Variants in THSD4 observed in about 807,000 individuals in gnomAD.
THSD4 encodes the protein thrombospondin type-1 domain-containing protein 4.
A neutral mutation model predicts 119.0 loss-of-function variants in THSD4; 69 were observed. The ratio of observed to expected loss-of-function variants is 0.58; its 90% CI spans 0.48 to 0.71. THSD4 has a LOEUF of 0.71. Among genes scored for constraint, THSD4 ranks in the 30% least tolerant of loss-of-function variants. The pLI, the probability that THSD4 is intolerant of heterozygous loss-of-function variation, is 0.00. For synonymous variants in THSD4, 524 were observed against 540.4 expected (o/e 0.97, Z 0.42); for missense variants, 1,393 against 1,391.1 (o/e 1.00, Z -0.02).
chr15:71,159,687 TAG>T (rs2043233830), intron 3 of THSD4, among the ~76,000 whole-genome samples: 1 of 152,264 alleles, frequency 6.6e-6, no homozygotes, highest in South Asian at 2.1e-4. Flanking sequence ...AGTTTTTTGG[TAG>T]AGTCTTTAGG....
At chr15:71,423,558 A>G (rs2046834587) in intron 7 of THSD4, among the ~76,000 whole-genome samples, 1 of 152,140 alleles carries the variant, frequency 6.6e-6, no homozygotes, top group Non-Finnish European at 1.5e-5. Flanking sequence ...GGATGAGACA[A>G]AGACCTGTTT....
intron 6 of THSD4, among the ~76,000 whole-genome samples, chr15:71,296,188 G>C (rs1269563093): frequency 1.3e-5 from 2 of 152,164 alleles, no homozygotes; most frequent in Non-Finnish European, 2.9e-5. Context: ...GAATTACTGG[G>C]TCAAATGGTA....
chr15:71,308,039 G>A (rs2045056004), intron 6 of THSD4, among the ~76,000 whole-genome samples: 1 of 152,170 alleles, frequency 6.6e-6, no homozygotes, highest in African/African-American at 2.4e-5. Flanking sequence ...ATAGAAGCAT[G>A]CAGCACCTGT....
At chr15:71,686,945 T>C (rs2051924137) in intron 8 of THSD4, among the ~76,000 whole-genome samples, 1 of 152,162 alleles carries the variant, frequency 6.6e-6, no homozygotes, top group Non-Finnish European at 1.5e-5. Flanking sequence ...GTCCGAAAAC[T>C]GGTTAAGACT....
chr15:71,116,772 A>G (rs1472656049), intron 1 of THSD4, among the ~76,000 whole-genome samples: 4 of 152,124 alleles, frequency 2.6e-5, no homozygotes. Flanking sequence ...AGATTTTTCA[A>G]GGATCACACA....
At chr15:71,158,546 TC>T (rs2043223405) in intron 3 of THSD4, among the ~76,000 whole-genome samples, 1 of 152,206 alleles carries the variant, frequency 6.6e-6, no homozygotes, top group Non-Finnish European at 1.5e-5. Context: ...TCCCTGATGA[TC>T]AGTGATGTTG....
At chr15:71,627,914 A>G (rs1228192047) in intron 7 of THSD4, among the ~76,000 whole-genome samples, 1 of 152,228 alleles carries the variant, frequency 6.6e-6, no homozygotes, top group African/African-American at 2.4e-5. Context: ...GTTTTCAGGA[A>G]GACAAAGCTT....
intron 1 of THSD4, among the ~76,000 whole-genome samples, chr15:71,102,877 C>G (rs1042116710): frequency 3.3e-5 from 5 of 152,136 alleles, no homozygotes; most frequent in Admixed American, 2.6e-4. Flanking sequence ...GTTTTTATAT[C>G]TTCTTTTTTC....
intron 7 of THSD4, among the ~76,000 whole-genome samples, chr15:71,619,473 G>A (rs1439494623): frequency 6.6e-6 from 1 of 152,164 alleles, no homozygotes; most frequent in Admixed American, 6.5e-5. Flanking sequence ...GGCACCGGGA[G>A]AGTTACGTTT....
intron 6 of THSD4, among the ~76,000 whole-genome samples, chr15:71,290,950 AC>A (rs754591465): frequency 6.6e-6 from 1 of 150,562 alleles, no homozygotes; most frequent in Non-Finnish European, 1.5e-5. Context: ...GCCCAAAAAG[AC>A]TTATAATGAA....
intron 7 of THSD4, among the ~76,000 whole-genome samples, chr15:71,589,360 A>T (rs12904114): frequency 0.24 from 30,249 of 128,158 alleles, 8,202 homozygotes; most frequent in Non-Finnish European, 0.32. Context: ...TTATTTATTT[A>T]TTTTTTTATT....
chr15:71,207,102 G>A (rs1266531217), intron 3 of THSD4, among the ~76,000 whole-genome samples: 1 of 152,106 alleles, frequency 6.6e-6, no homozygotes, highest in Non-Finnish European at 1.5e-5. Flanking sequence ...GATGTTTCAT[G>A]GACTCATTTG....
At chr15:71,278,029 T>A (rs1596310410) in intron 6 of THSD4, among the ~76,000 whole-genome samples, 1 of 152,246 alleles carries the variant, frequency 6.6e-6, no homozygotes, top group East Asian at 1.9e-4. Context: ...ATACCACCAC[T>A]ACTGCCTCCC....
chr15:71,215,145 C>T lies in THSD4; in HGVS notation c.210C>T (p.Ser70=). The change falls in exon 4 of 18, where the codon AGC becomes AGT. Residue 70 remains serine (S), a synonymous_variant. Transcript: ENST00000261862. ...GGTCGGCCTGCTCGCGTAGCTGCAG[C>T]GGCGGCGTGATGGAGCAGACGCGGC... ...GPWSACSRSC[S]GGVMEQTRPC... is the part of the protein sequence containing the mutation. 7.3e-7 allele frequency: 1 copy of T among 1,371,772 alleles called. No homozygotes were observed. Among genetic ancestry groups the T allele is most frequent in the Non-Finnish European group, 9.4e-7 (1 of 1,059,248 alleles). 85.0% of individuals were successfully genotyped at this position (1,371,772 alleles called of 1,614,324 possible).
chr15:71,545,855 T>G (rs2048829142), intron 7 of THSD4, among the ~76,000 whole-genome samples: 1 of 152,148 alleles, frequency 6.6e-6, no homozygotes, highest in African/African-American at 2.4e-5. Context: ...CACTGGTAAA[T>G]GGTCATGTGA....
chr15:71,778,144 C>T lies in THSD4; in HGVS notation c.*770C>T, dbSNP rs2053946466. 2 of 152,208 alleles carry T rather than the reference C, an allele frequency of 1.3e-5. No individual in the cohort carries two copies. Among genetic ancestry groups the T allele is most frequent in the Non-Finnish European group, 1.5e-5 (1 of 68,070 alleles). 9.4% of individuals were successfully genotyped at this position (152,208 alleles called of 1,614,324 possible). ...TCATCTACCAGTATCCAGCCTGGGG[C>T]CTGTACTTAGATGTGAAAGGTGCTG... On this transcript the variant is annotated 3_prime_UTR_variant, in exon 18 of 18. Coordinates refer to ENST00000261862, the MANE Select transcript of THSD4 (RefSeq NM_024817.3).
rs1450466164 is a variant in THSD4 at position 71,200,527 on chromosome 15, T to C, written c.100-14508T>C. On this transcript the variant is annotated intron_variant, in intron 3 of 17. Coordinates refer to ENST00000261862, the MANE Select transcript of THSD4 (RefSeq NM_024817.3). ...GGGAAACAAAGTCTGATGTGTCTTG[T>C]AATAAGGCACTAGTTATGTTCCTGA... 3.9e-5 allele frequency among the ~76,000 whole-genome samples: 6 copies of C among 152,196 alleles called. No homozygotes were observed. The East Asian group carries it at 1.2e-3, about 29-fold the overall frequency.
intron 7 of THSD4, among the ~76,000 whole-genome samples, chr15:71,561,863 AACACACAC>A (rs71154780): frequency 0.047 from 6,131 of 130,174 alleles, 142 homozygotes; most frequent in African/African-American, 0.057. Context: ...TTTTAAAATA[AACACACAC>A]ACACACACAC....
At chr15:71,738,696 A>G (rs1022567098) in intron 11 of THSD4, among the ~76,000 whole-genome samples, 4 of 152,158 alleles carry the variant, frequency 2.6e-5, no homozygotes, top group African/African-American at 9.7e-5. Flanking sequence ...ACACATGCCA[A>G]GTACTGCCAA....
Sources: gnomAD v4.1 joint callset for allele counts (sites outside exome capture counted in the v4.1 genomes callset) on GRCh38, gnomAD v4.1.1 for gene constraint, MANE v1.5 for transcripts, NCBI Gene and HGNC (gene_info 2026-07-23, HGNC 2026-07-21) for gene names.